The following CLEC12B variants were observed in gnomAD, a reference collection of about 807,000 sequenced individuals.
The protein encoded by CLEC12B is C-type lectin domain family 12 member B.
A neutral mutation model predicts 36.1 loss-of-function variants in CLEC12B; 25 were observed. The observed-to-expected ratio is 0.69, with a 90% CI of 0.50 to 0.97. The LOEUF is 0.97. Ranked by LOEUF, CLEC12B falls within the 50% of genes least tolerant of loss-of-function variation. The pLI is 0.00. For missense variants in CLEC12B, 325 were observed against 318.4 expected (o/e 1.02, Z -0.16); for synonymous variants, 110 against 108.5 (o/e 1.01, Z -0.09).
chr12:10,010,196 T>TCACACACACA (rs1339450318), upstream of CLEC12B, among the ~76,000 whole-genome samples: 13 of 67,474 alleles, frequency 1.9e-4, no homozygotes, highest in South Asian at 4.8e-4. Flanking sequence ...TCTCTGTCTC[T>TCACACACACA]CTCTCACACA....
intron 2 of CLEC12B, chr12:10,013,183 TATC>T: frequency 2.7e-6 from 1 of 365,602 alleles, no homozygotes; most frequent in South Asian, 2.7e-5. Flanking sequence ...CACATTCACT[TATC>T]ATTCCAATGC....
chr12:10,013,470 G>A (rs2137268168), intron 2 of CLEC12B: 1 of 154,204 alleles, frequency 6.5e-6, no homozygotes, highest in South Asian at 2.0e-4. Context: ...AGCCACAAAG[G>A]AACATTCTAT....
intron 2 of CLEC12B, chr12:10,013,341 G>C (rs1331225135): frequency 5.4e-6 from 1 of 184,546 alleles, no homozygotes; most frequent in African/African-American, 2.4e-5. Flanking sequence ...GCAGCAGCCT[G>C]ATTTCTATGA....
rs1214988301 is a variant in CLEC12B at position 10,012,812 on chromosome 12, G to A, written c.119G>A (p.Arg40His). The A allele has an allele frequency of 1.2e-5, 19 of 1,613,562 alleles. No homozygotes were observed. The highest frequency in any genetic ancestry group is 4.4e-5 in the South Asian group (4 of 91,070). Reference sequence around the variant, plus strand: ...CATCCAGCTCCATCTCCCATTTGGCGTCATGCTGCTCTGGGTCTGGTAACT... The same window carrying A: ...CATCCAGCTCCATCTCCCATTTGGCATCATGCTGCTCTGGGTCTGGTAACT... ...RGHPAPSPIW[R>H]HAALGLVTLC... is the part of the protein sequence containing the mutation. Residue 40 changes from arginine to histidine, a missense_variant, in exon 2 of 6, where the codon CGT (arginine) becomes CAT (histidine). By Grantham distance (29) the Arg-to-His change is conservative. Coordinates refer to ENST00000338896, the MANE Select transcript of CLEC12B (RefSeq NM_001129998.3).
At chr12:10,006,362 G>A (rs56184991), upstream of CLEC12B, among the ~76,000 whole-genome samples, 1,900 of 152,036 alleles carry the variant, frequency 0.012, 41 homozygotes, top group African/African-American at 0.043. Context: ...CATTATCAAT[G>A]TATGGCTGTT....
chr12:10,014,534 T>A lies in CLEC12B; in HGVS notation c.202T>A (p.Ser68Thr). The change falls in exon 3 of 6, where the codon TCT (serine) becomes ACT (threonine). Residue 68 changes from serine (S) to threonine (T), a missense_variant. By Grantham distance (58) the Ser-to-Thr change is moderately conservative. Coordinates refer to ENST00000338896, the MANE Select transcript of CLEC12B (RefSeq NM_001129998.3). Reference protein sequence around the residue: ...VTLGMMFLQISNDINSDSEKL... With the variant: ...VTLGMMFLQITNDINSDSEKL... Reference sequence around the variant, plus strand: ...GTCATGTCTTGGAGTTTTGCAGATATCTAATGACATTAACTCAGATTCAGA... The same window carrying A: ...GTCATGTCTTGGAGTTTTGCAGATAACTAATGACATTAACTCAGATTCAGA... The A allele has an allele frequency of 6.2e-7, 1 of 1,612,618 alleles. No homozygotes were observed. Among genetic ancestry groups the A allele is most frequent in the Non-Finnish European group, 8.5e-7 (1 of 1,178,836 alleles).
chr12:10,008,180 C>T (rs1251466712), upstream of CLEC12B, among the ~76,000 whole-genome samples: 1 of 152,206 alleles, frequency 6.6e-6, no homozygotes, highest in East Asian at 1.9e-4. Context: ...CCAATGCCAC[C>T]TGTGGCTGTT....
chr12:10,015,449 C>A, intron 4 of CLEC12B, 43 bp downstream of exon 4: 2 of 1,578,758 alleles, frequency 1.3e-6, no homozygotes, highest in Non-Finnish European at 1.7e-6. Flanking sequence ...ATTATCCATA[C>A]AATGAGAGAG....
At chr12:10,008,470 G>C (rs1478792750), upstream of CLEC12B, among the ~76,000 whole-genome samples, 1 of 152,102 alleles carries the variant, frequency 6.6e-6, no homozygotes, top group Non-Finnish European at 1.5e-5. Flanking sequence ...AATCATGATA[G>C]GAGTAGAGAT....
rs1865307386 is a variant in CLEC12B at position 10,010,744 on chromosome 12, A to T, written c.-16A>T. Reference sequence around the variant, plus strand: ...AAACATTAATTAGATAATTTAAAGTAGCGTTTTCTTCTACAATGTCTGAAG... The same window carrying T: ...AAACATTAATTAGATAATTTAAAGTTGCGTTTTCTTCTACAATGTCTGAAG... On this transcript the variant is annotated 5_prime_UTR_variant, in exon 1 of 6. Coordinates refer to ENST00000338896, the MANE Select transcript of CLEC12B (RefSeq NM_001129998.3). 2 of 1,488,394 alleles carry T rather than the reference A, an allele frequency of 1.3e-6. No individual in the cohort carries two copies. The highest frequency in any genetic ancestry group is 4.5e-5 in the East Asian group (2 of 44,440). The allele number at this position is 1,488,394 out of a possible 1,614,324, so 92.2% of individuals were successfully genotyped here.
chr12:10,012,419 A>G (rs1280617795), intron 1 of CLEC12B, among the ~76,000 whole-genome samples: 2 of 152,158 alleles, frequency 1.3e-5, no homozygotes, highest in Non-Finnish European at 2.9e-5. Context: ...TTATTATTAT[A>G]CTTTAAGTTT....
At chr12:10,007,237 C>T (rs1020956722), upstream of CLEC12B, among the ~76,000 whole-genome samples, 3 of 151,538 alleles carry the variant, frequency 2.0e-5, no homozygotes, top group African/African-American at 2.4e-5. Context: ...ATGGCTTCTG[C>T]TTGTTTTAAT....
upstream of CLEC12B, among the ~76,000 whole-genome samples, chr12:10,009,242 T>C (rs2137259780): frequency 6.6e-6 from 1 of 151,850 alleles, no homozygotes; most frequent in African/African-American, 2.4e-5. Context: ...TTTGGGTCCG[T>C]GCCATCTTTA....
upstream of CLEC12B, among the ~76,000 whole-genome samples, chr12:10,006,681 G>A (rs1405981929): frequency 6.6e-6 from 1 of 152,184 alleles, no homozygotes; most frequent in African/African-American, 2.4e-5. Flanking sequence ...TATACGATGT[G>A]TAAGATGAAT....
At chr12:10,009,271 G>A (rs1438723938), upstream of CLEC12B, among the ~76,000 whole-genome samples, 1 of 151,602 alleles carries the variant, frequency 6.6e-6, no homozygotes, top group Non-Finnish European at 1.5e-5. Flanking sequence ...AACCCTCACC[G>A]CAAAGGTCCG....
In CLEC12B at chr12:10,018,577, A is replaced by C. The variant is rs1865544782; in HGVS notation, c.*96A>C. The C allele has an allele frequency of 3.1e-6, 3 of 958,322 alleles. No individual in the cohort carries two copies. The highest frequency in any genetic ancestry group is 4.7e-6 in the Non-Finnish European group (3 of 638,304). The allele number at this position is 958,322 out of a possible 1,614,324, so 59.4% of individuals were successfully genotyped here. On this transcript the variant is annotated 3_prime_UTR_variant, in exon 6 of 6. Coordinates refer to ENST00000338896, the MANE Select transcript of CLEC12B (RefSeq NM_001129998.3). ...CGGTACCAGAGCCAAACCAGCTTTT[A>C]AAATGACTGTGTATTTACATTATCA... is the stretch of plus-strand genomic sequence containing the variant.
upstream of CLEC12B, among the ~76,000 whole-genome samples, chr12:10,009,912 T>A (rs185772088): frequency 1.5e-3 from 225 of 152,274 alleles, no homozygotes; most frequent in African/African-American, 5.0e-3. Flanking sequence ...CATATTTTCC[T>A]GGGTTCTGTA....
At chr12:10,012,999 T>A in intron 2 of CLEC12B, 116 bp downstream of exon 2, 1 of 748,986 alleles carries the variant, frequency 1.3e-6, no homozygotes, top group Non-Finnish European at 2.4e-6. Flanking sequence ...GATACTTTTC[T>A]GCTGTCTCAT....
chr12:10,016,370 T>C (rs942817633), intron 5 of CLEC12B: 1 of 152,742 alleles, frequency 6.5e-6, no homozygotes, highest in African/African-American at 2.4e-5. Context: ...GATGAAACTA[T>C]TTAAAGGACA....
Sources: allele counts gnomAD v4.1 joint callset (sites outside exome capture counted in the v4.1 genomes callset), GRCh38; gene constraint gnomAD v4.1.1; transcripts MANE v1.5; gene names NCBI Gene and HGNC (gene_info 2026-07-23, HGNC 2026-07-21).